PDE4D: variants seen among roughly 807,000 people sequenced by gnomAD.
PDE4D encodes phosphodiesterase 4D.
In PDE4D, 24 loss-of-function variants were observed where a neutral mutation model predicts 87.4. The ratio of observed to expected loss-of-function variants is 0.27; its 90% CI spans 0.20 to 0.39. PDE4D has a LOEUF of 0.39. Ranked by LOEUF, PDE4D falls within the 10% of genes least tolerant of loss-of-function variation. The probability of loss-of-function intolerance (pLI) is 1.00; values close to 1 mark genes in which losing one functional copy is unlikely to be tolerated. For missense variants in PDE4D, 714 were observed against 1,041.0 expected (o/e 0.69, Z 4.32); for synonymous variants, 384 against 383.2 (o/e 1.00, Z -0.02).
intron 5 of PDE4D, among the ~76,000 whole-genome samples, chr5:59,089,795 A>C (rs907848871): frequency 5.3e-5 from 8 of 152,200 alleles, no homozygotes; most frequent in African/African-American, 1.9e-4. Flanking sequence ...ACAGCCTGTG[A>C]GAAGGAACCT....
At chr5:60,296,098 C>A (rs1215181626) in intron 1 of PDE4D, among the ~76,000 whole-genome samples, 1 of 152,136 alleles carries the variant, frequency 6.6e-6, no homozygotes, top group African/African-American at 2.4e-5. Context: ...CACCTAAACA[C>A]CCCCTAGAGG....
intron 1 of PDE4D, among the ~76,000 whole-genome samples, chr5:59,352,210 T>G (rs1034177754): frequency 1.3e-5 from 2 of 152,166 alleles, no homozygotes; most frequent in African/African-American, 4.8e-5. Flanking sequence ...TTGGACTTTC[T>G]AACCACATAT....
At chr5:59,847,036 G>A (rs1360322825) in intron 1 of PDE4D, among the ~76,000 whole-genome samples, 1 of 151,980 alleles carries the variant, frequency 6.6e-6, no homozygotes, top group Non-Finnish European at 1.5e-5. Flanking sequence ...CTATTTCGTT[G>A]ACAGAGGTGG....
intron 1 of PDE4D, among the ~76,000 whole-genome samples, chr5:60,467,487 C>T (rs995055514): frequency 4.6e-5 from 7 of 152,218 alleles, no homozygotes; most frequent in African/African-American, 1.7e-4. Flanking sequence ...CTCTTGCCTT[C>T]ACAGCCTATG....
chr5:60,208,775 C>T (rs182085495), intron 1 of PDE4D, among the ~76,000 whole-genome samples: 1 of 152,344 alleles, frequency 6.6e-6, no homozygotes, highest in East Asian at 1.9e-4. Flanking sequence ...TGCAGTCTAT[C>T]TGTGGACTAG....
intron 1 of PDE4D, among the ~76,000 whole-genome samples, chr5:59,311,580 C>T (rs190122553): frequency 1.3e-5 from 2 of 151,150 alleles, no homozygotes; most frequent in South Asian, 4.2e-4. Flanking sequence ...CCTTACTCTT[C>T]CCTGTTCTGT....
At chr5:60,287,455 C>T (rs1051040020) in intron 1 of PDE4D, among the ~76,000 whole-genome samples, 1 of 152,118 alleles carries the variant, frequency 6.6e-6, no homozygotes, top group Non-Finnish European at 1.5e-5. Context: ...GAAGGCTCTT[C>T]AAAGACAAGA....
exon 3 of PDE4D, chr5:59,988,570 C>T (rs371557858): frequency 5.6e-6 from 9 of 1,599,402 alleles, no homozygotes; most frequent in Non-Finnish European, 6.8e-6. Flanking sequence ...TTCTCTGATT[C>T]ACTTTTCAAG....
At chr5:59,175,781 A>ATTTTTTTTTTTTTTTTT (rs57572403) in intron 5 of PDE4D, among the ~76,000 whole-genome samples, 1 of 94,592 alleles carries the variant, frequency 1.1e-5, no homozygotes, top group African/African-American at 4.0e-5. Context: ...CCCGGCCTCC[A>ATTTTTTTTTTTTTTTTT]TTTTTTTTTT....
At chr5:60,424,177 A>G (rs1743421207) in intron 1 of PDE4D, among the ~76,000 whole-genome samples, 1 of 152,216 alleles carries the variant, frequency 6.6e-6, no homozygotes, top group Admixed American at 6.5e-5. Flanking sequence ...ATCCTCCCTA[A>G]CTCATTTTAT....
intron 1 of PDE4D, chr5:59,275,534 T>C (rs2153543727): frequency 6.9e-7 from 1 of 1,459,118 alleles, no homozygotes; most frequent in Non-Finnish European, 9.0e-7. Flanking sequence ...CCAATTTTCC[T>C]GGAGTCCATC....
chr5:60,193,669 C>CAAAAAAAAAAAAAAAA (rs35340734), intron 1 of PDE4D, among the ~76,000 whole-genome samples: 1 of 46,872 alleles, frequency 2.1e-5, no homozygotes. Flanking sequence ...GACTCCGTCT[C>CAAAAAAAAAAAAAAAA]AAAAAAAAAA....
At chr5:59,652,482 T>C (rs1394325456) in intron 1 of PDE4D, among the ~76,000 whole-genome samples, 1 of 152,184 alleles carries the variant, frequency 6.6e-6, no homozygotes, top group Non-Finnish European at 1.5e-5. Flanking sequence ...TCAGGATGTG[T>C]AACAATAAGC....
intron 1 of PDE4D, chr5:60,460,749 G>A: frequency 1.5e-6 from 1 of 658,208 alleles, no homozygotes; most frequent in Non-Finnish European, 2.7e-6. Flanking sequence ...TGCTGCTAGG[G>A]AAGTCCAAGA....
In PDE4D at chr5:59,386,691, A is replaced by AAGGGAGGAAGGGAGGAAGAG. The variant is rs377277408; in HGVS notation, c.456-170724_456-170723insCTCTTCCTCCCTTCCTCCCT. Among the ~76,000 whole-genome samples, 388 of 136,306 alleles carry AAGGGAGGAAGGGAGGAAGAG rather than the reference A, an allele frequency of 2.8e-3. 11 individuals are homozygous for AAGGGAGGAAGGGAGGAAGAG. The highest frequency in any genetic ancestry group is 2.3e-3 in the Non-Finnish European group (144 of 63,372). The allele number at this position is 136,306 out of a possible 152,430, so 89.4% of individuals were successfully genotyped here. On this transcript the variant is annotated intron_variant, in intron 1 of 14. Coordinates refer to ENST00000340635, the MANE Select transcript of PDE4D (RefSeq NM_001104631.2). ...AAGAAGGGCAGGGCAGCGCAGGAGG[A>AAGGGAGGAAGGGAGGAAGAG]AGGGAGGGAGGGAGGGAGGGAGGGA...
At chr5:60,128,194 A>C (rs1779274269) in intron 2 of PDE4D, among the ~76,000 whole-genome samples, 1 of 152,224 alleles carries the variant, frequency 6.6e-6, no homozygotes. Flanking sequence ...TGATCTTGGG[A>C]TGTATCAGTC....
chr5:59,040,978 T>C (rs1759580560), intron 5 of PDE4D, among the ~76,000 whole-genome samples: 1 of 152,186 alleles, frequency 6.6e-6, no homozygotes, highest in South Asian at 2.1e-4. Flanking sequence ...GGCTTATTGT[T>C]ATCAAGAATA....
At chr5:60,316,800 G>C (rs1755651502) in intron 1 of PDE4D, among the ~76,000 whole-genome samples, 1 of 152,098 alleles carries the variant, frequency 6.6e-6, no homozygotes, top group Non-Finnish European at 1.5e-5. Flanking sequence ...TTACTGATTT[G>C]CGTCTGTTGA....
chr5:59,285,303 T>C (rs1766710049), intron 1 of PDE4D, among the ~76,000 whole-genome samples: 1 of 152,092 alleles, frequency 6.6e-6, no homozygotes, highest in Admixed American at 6.6e-5. Context: ...AGGTATTTGC[T>C]TAACAGCAGA....
Sources: allele counts gnomAD v4.1 joint callset (sites outside exome capture counted in the v4.1 genomes callset), GRCh38; gene constraint gnomAD v4.1.1; transcripts MANE v1.5; gene names NCBI Gene and HGNC (gene_info 2026-07-23, HGNC 2026-07-21).